AOAH: variants seen among roughly 807,000 people sequenced by gnomAD.
The protein encoded by AOAH is acyloxyacyl hydrolase (neutrophil).
A neutral mutation model predicts 92.2 loss-of-function variants in AOAH; 64 were observed. The ratio of observed to expected loss-of-function variants is 0.69; its 90% CI spans 0.57 to 0.86. AOAH has a LOEUF of 0.86. Ranked by LOEUF, AOAH falls within the 40% of genes least tolerant of loss-of-function variation. AOAH has a pLI of 0.00. For missense variants in AOAH, 656 were observed against 694.6 expected, an observed-to-expected ratio of 0.94 and a Z score of 0.62; for synonymous variants, 263 against 254.5, an observed-to-expected ratio of 1.03 and a Z score of -0.32.
intron 1 of AOAH, among the ~76,000 whole-genome samples, chr7:36,696,103 A>G (rs768396480): frequency 3.3e-5 from 5 of 152,164 alleles, no homozygotes; most frequent in Non-Finnish European, 7.4e-5. Context: ...TAAATGTACC[A>G]GTTTATTTCT....
rs574970052 is a variant in AOAH, at chr7:36,579,007, A to G, written c.939-2351T>C. 5.2e-4 allele frequency among the ~76,000 whole-genome samples: 79 copies of G among 152,286 alleles called. 1 individual carries two copies. Among genetic ancestry groups the G allele is most frequent in the Non-Finnish European group, 9.6e-4 (65 of 68,018 alleles). Reference sequence around the variant, plus strand: ...TGTCACATGGAAAAAGCAGAGCAGGAGAACAAGCAAATGTGCTACACACAT... The same window carrying G: ...TGTCACATGGAAAAAGCAGAGCAGGGGAACAAGCAAATGTGCTACACACAT... On this transcript the variant is annotated intron_variant, in intron 12 of 20. Transcript: ENST00000617537.
intron 15 of AOAH, among the ~76,000 whole-genome samples, chr7:36,543,263 G>A (rs879405926): frequency 6.6e-6 from 1 of 152,174 alleles, no homozygotes; most frequent in African/African-American, 2.4e-5. Flanking sequence ...GTGGGGAGGG[G>A]CTTTGACTTG....
chr7:36,580,589 C>A (rs1219704122), intron 12 of AOAH, among the ~76,000 whole-genome samples: 1 of 151,852 alleles, frequency 6.6e-6, no homozygotes, highest in Non-Finnish European at 1.5e-5. Context: ...TGCTTTTTTT[C>A]CCCTTTGTTT....
intron 13 of AOAH, among the ~76,000 whole-genome samples, chr7:36,553,731 T>C (rs564717913): frequency 1.5e-3 from 228 of 152,204 alleles, no homozygotes; most frequent in African/African-American, 5.3e-3. Context: ...ATTTCTCTGA[T>C]GGTCAGTGAT....
chr7:36,679,939 G>A (rs982504043), intron 2 of AOAH, among the ~76,000 whole-genome samples: 1 of 152,198 alleles, frequency 6.6e-6, no homozygotes, highest in East Asian at 1.9e-4. Flanking sequence ...TTACAGGCAT[G>A]AGCCACCACA....
chr7:36,715,639 G>A (rs1438114801), intron 1 of AOAH, among the ~76,000 whole-genome samples: 5 of 147,624 alleles, frequency 3.4e-5, no homozygotes, highest in Admixed American at 1.4e-4. Flanking sequence ...ATAGACCAAC[G>A]GAACGGAACA....
chr7:36,631,181 A>G (rs1793054799), intron 6 of AOAH, among the ~76,000 whole-genome samples: 1 of 152,092 alleles, frequency 6.6e-6, no homozygotes, highest in Non-Finnish European at 1.5e-5. Context: ...CCCCGTCTCT[A>G]CTAAAAATAC....
At chr7:36,559,064 G>A (rs1394990322) in intron 13 of AOAH, among the ~76,000 whole-genome samples, 1 of 152,238 alleles carries the variant, frequency 6.6e-6, no homozygotes. Flanking sequence ...CCCATCTTCT[G>A]TGTCACTCAC....
chr7:36,716,037 C>T (rs1016542519), intron 1 of AOAH, among the ~76,000 whole-genome samples: 51 of 152,026 alleles, frequency 3.4e-4, no homozygotes, highest in African/African-American at 1.2e-3. Context: ...AGTGAACAGG[C>T]AACCTACAGA....
chr7:36,587,107 A>G (rs1239808084), intron 12 of AOAH, among the ~76,000 whole-genome samples: 1 of 151,926 alleles, frequency 6.6e-6, no homozygotes, highest in East Asian at 1.9e-4. Context: ...CCCTGTCTCT[A>G]CTAAAATACA....
intron 16 of AOAH, among the ~76,000 whole-genome samples, chr7:36,534,656 G>A (rs1784901057): frequency 6.8e-6 from 1 of 146,108 alleles, no homozygotes; most frequent in Non-Finnish European, 1.6e-5. Context: ...TTTTATCTTT[G>A]TTTCTTTAAT....
chr7:36,538,480 G>A (rs994740735), intron 16 of AOAH, among the ~76,000 whole-genome samples: 1 of 152,142 alleles, frequency 6.6e-6, no homozygotes, highest in Non-Finnish European at 1.5e-5. Context: ...TATGGAGGTG[G>A]CGTAACCAGA....
At chr7:36,647,466 A>C (rs1794294880) in intron 4 of AOAH, among the ~76,000 whole-genome samples, 1 of 152,234 alleles carries the variant, frequency 6.6e-6, no homozygotes, top group Non-Finnish European at 1.5e-5. Context: ...TTCTCAAGAG[A>C]GATAGTTGTT....
At chr7:36,610,969 C>T (rs914032399) in intron 11 of AOAH, among the ~76,000 whole-genome samples, 4 of 152,190 alleles carry the variant, frequency 2.6e-5, no homozygotes, top group African/African-American at 4.8e-5. Context: ...CCACCCCGGA[C>T]GCACGGGTGA....
chr7:36,620,670 G>A, intron 9 of AOAH, 111 bp downstream of exon 9: 1 of 968,446 alleles, frequency 1.0e-6, no homozygotes, highest in Non-Finnish European at 1.6e-6. Context: ...GAAAAGAGTT[G>A]CTTTAGGCTG....
rs183819721 is a variant in AOAH at position 36,584,230 on chromosome 7, G to A, written c.939-7574C>T. The stretch of plus-strand genomic sequence containing the variant: ...TTCCAAAACTTATTTGACTTAACAC[G>A]TCTTTTAAGAAATGTGTGTTAGTAC... On this transcript the variant is annotated intron_variant, in intron 12 of 20. Transcript: ENST00000617537. Among the ~76,000 whole-genome samples the A allele has an allele frequency of 1.6e-4, 25 of 152,122 alleles. No individual in the cohort carries two copies. The East Asian group carries it at 2.1e-3, about 13-fold the overall frequency.
At chr7:36,606,044 C>G (rs1476119949) in intron 11 of AOAH, among the ~76,000 whole-genome samples, 4 of 152,164 alleles carry the variant, frequency 2.6e-5, no homozygotes, top group Non-Finnish European at 5.9e-5. Flanking sequence ...TAAACAATAG[C>G]TTTTCTTCAT....
In AOAH at chr7:36,620,796, G is replaced by A; in HGVS notation, c.687C>T (p.Asn229=). The change falls in exon 9 of 21, where the codon AAC becomes AAT. Residue 229 remains asparagine (N), a synonymous_variant. Coordinates refer to ENST00000617537, the MANE Select transcript of AOAH (RefSeq NM_001637.4). ...PNNWDVHQDS[N]CNGIWGVDPK... ...AGTTGCTTACCCAAATGCCATTACA[G>A]TTTGAATCCTGATGGACATCCCAGT... The A allele has an allele frequency of 1.2e-6, 2 of 1,613,916 alleles. No individual in the cohort carries two copies. The highest frequency in any genetic ancestry group is 1.3e-5 in the African/African-American group (1 of 75,052).
intron 6 of AOAH, among the ~76,000 whole-genome samples, chr7:36,628,168 G>GA (rs764516532): frequency 6.6e-5 from 10 of 151,924 alleles, no homozygotes; most frequent in South Asian, 2.1e-4. Flanking sequence ...GGCTAAAAAG[G>GA]AAAAAACATA....
Sources: gnomAD v4.1 joint callset for allele counts (sites outside exome capture counted in the v4.1 genomes callset) on GRCh38, gnomAD v4.1.1 for gene constraint, MANE v1.5 for transcripts, NCBI Gene and HGNC (gene_info 2026-07-23, HGNC 2026-07-21) for gene names.